PRIM2: variants seen among roughly 807,000 people sequenced by gnomAD.
PRIM2 encodes DNA primase large subunit.
A neutral mutation model predicts 67.3 loss-of-function variants in PRIM2; 39 were observed. That is an observed-to-expected ratio of 0.58 (90% confidence interval 0.45 to 0.76). The LOEUF is 0.76. PRIM2 is among the 30% of genes least tolerant of loss of function. PRIM2 has a pLI of 0.00. For missense variants in PRIM2, 398 were observed against 598.7 expected, an observed-to-expected ratio of 0.66 and a Z score of 3.50; for synonymous variants, 143 against 198.7, an observed-to-expected ratio of 0.72 and a Z score of 2.36.
chr6:57,260,172 G>A, the PRIM2 span, among the ~76,000 whole-genome samples: 2 of 152,078 alleles, frequency 1.3e-5, no homozygotes, highest in Non-Finnish European at 2.9e-5. Context: ...AACCAATAAC[G>A]CAATCTACCA....
At chr6:57,364,941 T>C (rs1358576312) in intron 5 of PRIM2, among the ~76,000 whole-genome samples, 2 of 152,104 alleles carry the variant, frequency 1.3e-5, no homozygotes, top group Non-Finnish European at 2.9e-5. Flanking sequence ...GAGATGTAGA[T>C]CTGAATAACT....
intron 7 of PRIM2, among the ~76,000 whole-genome samples, chr6:57,476,910 G>A: frequency 6.6e-6 from 1 of 152,210 alleles, no homozygotes; most frequent in African/African-American, 2.4e-5. Context: ...ACCATGCCCA[G>A]CCTCATTATG....
At chr6:57,485,870 G>A (rs1158924734) in intron 7 of PRIM2, among the ~76,000 whole-genome samples, 3 of 152,292 alleles carry the variant, frequency 2.0e-5, no homozygotes, top group Admixed American at 6.5e-5. Context: ...CCCCCTTAAA[G>A]GAGCTTACAG....
intron 10 of PRIM2, among the ~76,000 whole-genome samples, chr6:57,587,926 A>G (rs1776222955): frequency 6.6e-6 from 1 of 152,176 alleles, no homozygotes; most frequent in Non-Finnish European, 1.5e-5. Context: ...AGGGAGAGCA[A>G]TCGCTAGTCC....
chr6:57,357,985 G>A (rs1358976320), intron 5 of PRIM2, among the ~76,000 whole-genome samples: 1 of 152,108 alleles, frequency 6.6e-6, no homozygotes, highest in Admixed American at 6.6e-5. Context: ...CCTGAATATG[G>A]TGTTTATTAC....
chr6:57,593,183 A>G (rs1418951468), intron 10 of PRIM2, among the ~76,000 whole-genome samples: 1 of 152,192 alleles, frequency 6.6e-6, no homozygotes, highest in East Asian at 1.9e-4. Flanking sequence ...GAAGGTTGCA[A>G]ACTGCCACGT....
the PRIM2 span, among the ~76,000 whole-genome samples, chr6:57,262,190 G>A: frequency 6.6e-6 from 1 of 152,086 alleles, no homozygotes; most frequent in Admixed American, 6.6e-5. Context: ...TTACTGGCTG[G>A]GAAAGTTATT....
chr6:57,381,513 T>C (rs1769959900), intron 6 of PRIM2, among the ~76,000 whole-genome samples: 1 of 140,098 alleles, frequency 7.1e-6, no homozygotes, highest in Admixed American at 6.8e-5. Flanking sequence ...ATAGCAAAAC[T>C]GAATGCTTAT....
At chr6:57,330,348 G>GTT (rs1238317111) in intron 5 of PRIM2, among the ~76,000 whole-genome samples, 1,038 of 87,668 alleles carry the variant, frequency 0.012, 26 homozygotes, top group African/African-American at 0.022. Flanking sequence ...TGCTGAACTT[G>GTT]TTTTTTTTTT....
chr6:57,461,529 G>A (rs1270565215), intron 7 of PRIM2, among the ~76,000 whole-genome samples: 1 of 151,962 alleles, frequency 6.6e-6, no homozygotes, highest in Non-Finnish European at 1.5e-5. Flanking sequence ...ATTCGATAGT[G>A]AATTCAATGC....
intron 8 of PRIM2, among the ~76,000 whole-genome samples, chr6:57,517,244 A>G (rs1453851922): frequency 1.3e-5 from 2 of 152,220 alleles, no homozygotes; most frequent in Non-Finnish European, 2.9e-5. Context: ...TTACAAAGAA[A>G]ATTAGTGATT....
intron 5 of PRIM2, among the ~76,000 whole-genome samples, chr6:57,351,923 A>G (rs1768870423): frequency 6.6e-6 from 1 of 152,230 alleles, no homozygotes; most frequent in African/African-American, 2.4e-5. Context: ...TGACCCTTTC[A>G]ATGCCTCATT....
the PRIM2 span, among the ~76,000 whole-genome samples, chr6:57,294,223 T>C: frequency 1.3e-5 from 2 of 152,156 alleles, no homozygotes; most frequent in Non-Finnish European, 1.5e-5. Flanking sequence ...CTCATGCCTG[T>C]ATTCTCAGCA....
chr6:57,382,200 A>G (rs764485890), intron 7 of PRIM2, 32 bp downstream of exon 7: 6 of 1,605,068 alleles, frequency 3.7e-6, no homozygotes, highest in East Asian at 2.2e-5. Flanking sequence ...TGTATCTGAC[A>G]TGTTCACACT....
intron 4 of PRIM2, among the ~76,000 whole-genome samples, chr6:57,324,663 G>A (rs1486496404): frequency 6.6e-6 from 1 of 152,116 alleles, no homozygotes; most frequent in African/African-American, 2.4e-5. Context: ...TTTGGAATTT[G>A]AGCTCTATGG....
intron 7 of PRIM2, among the ~76,000 whole-genome samples, chr6:57,434,648 T>A (rs952695618): frequency 5.3e-5 from 8 of 152,174 alleles, no homozygotes; most frequent in African/African-American, 1.7e-4. Flanking sequence ...TCTCTTGATT[T>A]ATTTTTTTTC....
chr6:57,421,229 A>G (rs1771450863), intron 7 of PRIM2, among the ~76,000 whole-genome samples: 5 of 152,220 alleles, frequency 3.3e-5, no homozygotes, highest in Admixed American at 3.3e-4. Flanking sequence ...AAAGGACTAA[A>G]GTAATATCTG....
chr6:57,279,378 T>C, the PRIM2 span, among the ~76,000 whole-genome samples: 3 of 152,212 alleles, frequency 2.0e-5, no homozygotes, highest in Admixed American at 6.5e-5. Flanking sequence ...AGTTTGCTTT[T>C]ACATTGTAGG....
At chr6:57,592,065 G>A (rs1776290701) in intron 10 of PRIM2, among the ~76,000 whole-genome samples, 1 of 152,058 alleles carries the variant, frequency 6.6e-6, no homozygotes, top group African/African-American at 2.4e-5. Flanking sequence ...AATTAACACA[G>A]GAACAGAAAA....
Sources: allele counts gnomAD v4.1 joint callset (sites outside exome capture counted in the v4.1 genomes callset), GRCh38; gene constraint gnomAD v4.1.1; transcripts MANE v1.5; gene names NCBI Gene and HGNC (gene_info 2026-07-23, HGNC 2026-07-21).